The following PHF24 variants were observed in gnomAD, a reference collection of about 807,000 sequenced individuals.
PHF24 encodes Galpha inhibitory interacting protein.
A neutral mutation model predicts 42.6 loss-of-function variants in PHF24; 25 were observed. The observed-to-expected ratio is 0.59, with a 90% CI of 0.43 to 0.82. The LOEUF (loss-of-function observed/expected upper bound fraction) is 0.82, where lower values mean the gene tolerates loss of function less well. Ranked by LOEUF, PHF24 falls within the 40% of genes least tolerant of loss-of-function variation. The pLI is 0.00. For missense variants in PHF24, 470 were observed against 538.1 expected, an observed-to-expected ratio of 0.87 and a Z score of 1.25; for synonymous variants, 185 against 204.8, an observed-to-expected ratio of 0.90 and a Z score of 0.83.
chr9:34,922,504 CT>C, the PHF24 span: 1 of 1,193,262 alleles, frequency 8.4e-7, no homozygotes, highest in Non-Finnish European at 1.3e-6. Context: ...TCCACAGTCC[CT>C]TTCTTATCAT....
chr9:34,900,870 C>T, the PHF24 span, among the ~76,000 whole-genome samples: 1 of 152,108 alleles, frequency 6.6e-6, no homozygotes, highest in African/African-American at 2.4e-5. Flanking sequence ...CAAGGAAGCC[C>T]TCATCAAATG....
chr9:34,919,691 T>TACACACACACTCTCACACACACAC, the PHF24 span, among the ~76,000 whole-genome samples: 1 of 148,190 alleles, frequency 6.7e-6, no homozygotes, highest in Non-Finnish European at 1.5e-5. Flanking sequence ...ACCCAGTAAT[T>TACACACACACTCTCACACACACAC]ACACACACAC....
At chr9:34,974,117 C>G (rs1827104221) in intron 3 of PHF24, among the ~76,000 whole-genome samples, 1 of 152,192 alleles carries the variant, frequency 6.6e-6, no homozygotes, top group Non-Finnish European at 1.5e-5. Context: ...AATCCTCCTG[C>G]CTCAGCTTCC....
the PHF24 span, among the ~76,000 whole-genome samples, chr9:34,767,355 A>C: frequency 1.4e-4 from 21 of 151,866 alleles, no homozygotes; most frequent in African/African-American, 4.6e-4. Flanking sequence ...GGTGGGCTCC[A>C]CCCAGTTCGA....
chr9:34,806,845 G>A, the PHF24 span, among the ~76,000 whole-genome samples: 1 of 152,114 alleles, frequency 6.6e-6, no homozygotes, highest in African/African-American at 2.4e-5. Context: ...TTCCAGTTTT[G>A]TATGGTTCAT....
the PHF24 span, among the ~76,000 whole-genome samples, chr9:34,681,500 G>T: frequency 6.6e-6 from 1 of 152,312 alleles, no homozygotes. Flanking sequence ...TGAAGATGGG[G>T]TCTTTAGGAG....
the PHF24 span, among the ~76,000 whole-genome samples, chr9:34,871,764 A>G: frequency 1.2e-4 from 18 of 152,238 alleles, no homozygotes; most frequent in South Asian, 3.5e-3. Context: ...TGTGTTCTTC[A>G]CCACTACCAC....
chr9:34,706,598 C>T, the PHF24 span, among the ~76,000 whole-genome samples: 2 of 152,152 alleles, frequency 1.3e-5, no homozygotes, highest in African/African-American at 4.8e-5. Flanking sequence ...AGGAGAGTGG[C>T]CAGTCATGAT....
chr9:34,708,035 G>A, the PHF24 span, among the ~76,000 whole-genome samples: 2 of 152,062 alleles, frequency 1.3e-5, no homozygotes, highest in African/African-American at 2.4e-5. Flanking sequence ...CGGCCTTGAG[G>A]TTCCTACCTT....
the PHF24 span, among the ~76,000 whole-genome samples, chr9:34,766,991 C>T: frequency 6.6e-6 from 1 of 152,202 alleles, no homozygotes; most frequent in Non-Finnish European, 1.5e-5. Context: ...GCCTGTGTAT[C>T]AGCAGTGGTG....
the PHF24 span, among the ~76,000 whole-genome samples, chr9:34,681,592 C>T: frequency 9.2e-5 from 14 of 152,398 alleles, no homozygotes; most frequent in South Asian, 1.0e-3. Context: ...GGGTGGATCA[C>T]CTGAGGTCAG....
chr9:34,931,201 C>G, the PHF24 span, among the ~76,000 whole-genome samples: 2 of 151,762 alleles, frequency 1.3e-5, no homozygotes, highest in African/African-American at 4.8e-5. Context: ...ATGGTGAAAC[C>G]CTGTCTCTAC....
At chr9:34,722,037 C>T in the PHF24 span, among the ~76,000 whole-genome samples, 1 of 152,268 alleles carries the variant, frequency 6.6e-6, no homozygotes, top group African/African-American at 2.4e-5. Flanking sequence ...TCCATTTACA[C>T]TTAGTTGTTT....
chr9:34,709,447 G>A, the PHF24 span: 1 of 1,613,328 alleles, frequency 6.2e-7, no homozygotes, highest in East Asian at 2.2e-5. Flanking sequence ...CAGAAGAGGG[G>A]TGTGAGGGGC....
At chr9:34,917,591 C>G in the PHF24 span, 2 of 775,394 alleles carry the variant, frequency 2.6e-6, no homozygotes, top group South Asian at 2.7e-5. Flanking sequence ...GGAATATACC[C>G]TCATGGGGAC....
the PHF24 span, among the ~76,000 whole-genome samples, chr9:34,793,334 G>A: frequency 2.6e-5 from 4 of 152,262 alleles, no homozygotes; most frequent in East Asian, 7.7e-4. Flanking sequence ...CTTTCACACT[G>A]TGTCAAAAAG....
chr9:34,674,769 T>C, the PHF24 span, among the ~76,000 whole-genome samples: 1 of 152,202 alleles, frequency 6.6e-6, no homozygotes, highest in Non-Finnish European at 1.5e-5. Flanking sequence ...GGCTGTGTGA[T>C]TGATTATGTG....
chr9:34,723,209 C>T, the PHF24 span: 1 of 1,545,220 alleles, frequency 6.5e-7, no homozygotes, highest in Non-Finnish European at 8.7e-7. Context: ...ACCAATGTTT[C>T]TATCTGAGGT....
chr9:34,786,799 T>C, the PHF24 span, among the ~76,000 whole-genome samples: 5,050 of 152,320 alleles, frequency 0.033, 279 homozygotes, highest in African/African-American at 0.12. Flanking sequence ...AGACTCATGC[T>C]TCAGGTCTCT....
Sources: allele counts gnomAD v4.1 joint callset (sites outside exome capture counted in the v4.1 genomes callset), GRCh38; gene constraint gnomAD v4.1.1; transcripts MANE v1.5; gene names NCBI Gene and HGNC (gene_info 2026-07-23, HGNC 2026-07-21).